GSE1: variants seen among roughly 807,000 people sequenced by gnomAD.
GSE1 encodes genetic suppressor element 1.
Under a neutral mutation model 112.6 loss-of-function variants are expected in GSE1, and 32 were observed. The observed-to-expected ratio is 0.28, with a 90% CI of 0.21 to 0.38. The LOEUF is 0.38. Ranked by LOEUF, GSE1 falls within the 10% of genes least tolerant of loss-of-function variation. The pLI is 1.00. For synonymous variants in GSE1, 1,115 were observed against 735.6 expected (o/e 1.52, Z -8.35); for missense variants, 2,348 against 1,699.2 (o/e 1.38, Z -6.71).
chr16:85,448,172 A>G (rs2049567405), intron 2 of GSE1, among the ~76,000 whole-genome samples: 1 of 152,192 alleles, frequency 6.6e-6, no homozygotes, highest in Non-Finnish European at 1.5e-5. Flanking sequence ...GATCCAGATA[A>G]TAATGATCCC....
chr16:85,669,929 A>G (rs572462435), intron 14 of GSE1, among the ~76,000 whole-genome samples: 2 of 152,146 alleles, frequency 1.3e-5, no homozygotes, highest in African/African-American at 4.8e-5. Flanking sequence ...TCTCTCAGCT[A>G]CCGCTCAGCT....
chr16:85,525,315 C>T (rs1356247299), intron 2 of GSE1, among the ~76,000 whole-genome samples: 1 of 152,132 alleles, frequency 6.6e-6, no homozygotes, highest in Non-Finnish European at 1.5e-5. Flanking sequence ...GGGATCAACA[C>T]CCCTCTGTTA....
At chr16:85,447,467 C>T (rs1196261486) in intron 2 of GSE1, among the ~76,000 whole-genome samples, 1 of 152,226 alleles carries the variant, frequency 6.6e-6, no homozygotes, top group Non-Finnish European at 1.5e-5. Context: ...AAGGAACCAG[C>T]CACACTGGTG....
At chr16:85,360,071 A>G (rs536984069) in intron 2 of GSE1, among the ~76,000 whole-genome samples, 1 of 152,140 alleles carries the variant, frequency 6.6e-6, no homozygotes, top group East Asian at 1.9e-4. Context: ...GTTTTAAAAC[A>G]ATCAATTCAG....
chr16:85,194,037 C>A (rs1162565614), intron 1 of GSE1, among the ~76,000 whole-genome samples: 2 of 152,206 alleles, frequency 1.3e-5, no homozygotes, highest in African/African-American at 2.4e-5. Flanking sequence ...GGAAATGAGG[C>A]TCTGGGAGGT....
chr16:85,579,955 G>T, intron 1 of GSE1: 1 of 152,384 alleles, frequency 6.6e-6, no homozygotes. Context: ...AAAAATCCTG[G>T]AGCGGCTGGA....
chr16:85,415,394 A>G (rs901500374), intron 2 of GSE1, among the ~76,000 whole-genome samples: 1 of 152,240 alleles, frequency 6.6e-6, no homozygotes, highest in African/African-American at 2.4e-5. Context: ...ATGAATGACT[A>G]TATAATGACT....
intron 1 of GSE1, among the ~76,000 whole-genome samples, chr16:85,332,573 C>T (rs2046398222): frequency 6.6e-6 from 1 of 152,156 alleles, no homozygotes; most frequent in South Asian, 2.1e-4. Context: ...CCTCCCCCGA[C>T]CCTCAGCTGG....
At chr16:85,375,846 C>T (rs910039241) in intron 2 of GSE1, among the ~76,000 whole-genome samples, 1 of 152,230 alleles carries the variant, frequency 6.6e-6, no homozygotes, top group African/African-American at 2.4e-5. Flanking sequence ...AGGGAAAGAA[C>T]ATGTATTAAG....
chr16:85,328,812 TCC>T (rs201415150), intron 1 of GSE1, among the ~76,000 whole-genome samples: 1 of 3,624 alleles, frequency 2.8e-4, no homozygotes, highest in East Asian at 0.083. Flanking sequence ...CCCCGGGGCC[TCC>T]CCGCCCCGGG....
At chr16:85,639,816 C>T (rs1376898672) in intron 2 of GSE1, among the ~76,000 whole-genome samples, 1 of 152,248 alleles carries the variant, frequency 6.6e-6, no homozygotes, top group Non-Finnish European at 1.5e-5. Context: ...TGTGTGGCAT[C>T]TGCTTGCCGT....
chr16:85,600,006 C>T (rs1012175424), intron 1 of GSE1, among the ~76,000 whole-genome samples: 3 of 152,184 alleles, frequency 2.0e-5, no homozygotes, highest in Admixed American at 2.0e-4. Context: ...CAAGGTCCCT[C>T]CTGTGTGAGC....
chr16:85,309,085 G>A (rs968304304), intron 1 of GSE1, among the ~76,000 whole-genome samples: 1 of 151,746 alleles, frequency 6.6e-6, no homozygotes, highest in Admixed American at 6.6e-5. Flanking sequence ...GCTCTGAGGG[G>A]CTGCTGCAGC....
At chr16:85,653,101 G>T (rs1598601791) in intron 3 of GSE1, among the ~76,000 whole-genome samples, 1 of 148,358 alleles carries the variant, frequency 6.7e-6, no homozygotes, top group African/African-American at 2.5e-5. Flanking sequence ...GAGAACGGCT[G>T]CCCCAGTGAC....
At chr16:85,422,329 A>G (rs1274075321) in intron 2 of GSE1, among the ~76,000 whole-genome samples, 1 of 151,888 alleles carries the variant, frequency 6.6e-6, no homozygotes, top group African/African-American at 2.4e-5. Context: ...TCCCGGCAAG[A>G]CTGACAGTAA....
At chr16:85,228,111 C>T (rs1022725352) in intron 1 of GSE1, among the ~76,000 whole-genome samples, 32 of 152,150 alleles carry the variant, frequency 2.1e-4, no homozygotes, top group African/African-American at 7.0e-4. Context: ...GGGAACAGCA[C>T]GGGCAGAGGC....
intron 1 of GSE1, among the ~76,000 whole-genome samples, chr16:85,573,396 T>C (rs985993452): frequency 6.6e-6 from 1 of 152,216 alleles, no homozygotes; most frequent in Non-Finnish European, 1.5e-5. Flanking sequence ...TTCTACTTTT[T>C]GGTTATTACG....
At chr16:85,350,810 T>C (rs535284436) in intron 1 of GSE1, among the ~76,000 whole-genome samples, 1 of 152,316 alleles carries the variant, frequency 6.6e-6, no homozygotes, top group South Asian at 2.1e-4. Flanking sequence ...GGACTCTTGC[T>C]CTGTCACCCA....
At chr16:85,554,867 G>A, upstream of GSE1, 1 of 985,232 alleles carries the variant, frequency 1.0e-6, no homozygotes, top group Non-Finnish European at 1.2e-6. Flanking sequence ...GGCGCCCGCA[G>A]CCGCCCACTG....
Sources: gnomAD v4.1 joint callset for allele counts (sites outside exome capture counted in the v4.1 genomes callset) on GRCh38, gnomAD v4.1.1 for gene constraint, MANE v1.5 for transcripts, NCBI Gene and HGNC (gene_info 2026-07-23, HGNC 2026-07-21) for gene names.